Variants in USP54 observed in about 807,000 individuals in gnomAD.
The protein encoded by USP54 is ubiquitin carboxyl-terminal hydrolase 54.
In USP54, 87 loss-of-function variants were observed where a neutral mutation model predicts 170.5. That is an observed-to-expected ratio of 0.51 (90% confidence interval 0.43 to 0.61). The LOEUF is 0.61. Ranked by LOEUF, USP54 falls within the 20% of genes least tolerant of loss-of-function variation. The pLI is 0.00. For synonymous variants in USP54, 655 were observed against 742.8 expected, an observed-to-expected ratio of 0.88 and a Z score of 1.92; for missense variants, 1,786 against 2,047.8, an observed-to-expected ratio of 0.87 and a Z score of 2.47.
chr10:73,542,994 A>C (rs2066954929), intron 6 of USP54, 24 bp downstream of exon 6: 1 of 1,611,526 alleles, frequency 6.2e-7, no homozygotes, highest in African/African-American at 1.3e-5. Flanking sequence ...GAAATGTCTA[A>C]AAAAAGATGG....
chr10:73,520,885 C>T, intron 18 of USP54, 23 bp downstream of exon 18: 2 of 1,613,928 alleles, frequency 1.2e-6, no homozygotes, highest in Non-Finnish European at 1.7e-6. Context: ...AGTGCCACAG[C>T]CATAGCAGTT....
chr10:73,600,187 C>T (rs528239931), intron 1 of USP54, among the ~76,000 whole-genome samples: 61 of 152,266 alleles, frequency 4.0e-4, no homozygotes, highest in Non-Finnish European at 7.9e-4. Flanking sequence ...TTGTGAGCAA[C>T]CGCGCCCGGC....
chr10:73,520,759 G>T, intron 18 of USP54, 149 bp downstream of exon 18: 1 of 1,084,470 alleles, frequency 9.2e-7, no homozygotes, highest in Admixed American at 2.3e-5. Flanking sequence ...AGAAATCAAA[G>T]GGCAAAAACA....
At position 73,570,904 on chromosome 10, in the gene USP54, G is replaced by A. The variant is rs185743365; in HGVS notation, c.240+517C>T. ...TGTAATCCCAGTGCTTTGGGAGGCC[G>A]AGGCAGGCAGATCACCTGAAGTCAG... On this transcript the variant is annotated intron_variant, in intron 4 of 23. Coordinates refer to ENST00000687698, the MANE Select transcript of USP54 (RefSeq NM_001391956.1). 3.4e-3 allele frequency among the ~76,000 whole-genome samples: 518 copies of A among 152,156 alleles called. 4 individuals are homozygous for A. The highest frequency in any genetic ancestry group is 5.2e-3 in the Non-Finnish European group (351 of 67,992).
intron 4 of USP54, among the ~76,000 whole-genome samples, chr10:73,556,511 A>G (rs1419552901): frequency 1.3e-5 from 2 of 151,436 alleles, no homozygotes; most frequent in Admixed American, 1.3e-4. Flanking sequence ...ACGCCCGGCT[A>G]ATTTTTGTAT....
At chr10:73,611,782 C>T (rs557364380) in intron 1 of USP54, among the ~76,000 whole-genome samples, 73 of 148,540 alleles carry the variant, frequency 4.9e-4, no homozygotes, top group Non-Finnish European at 6.8e-4. Context: ...GGCAACAGAG[C>T]GGGACTCCAT....
intron 1 of USP54, among the ~76,000 whole-genome samples, chr10:73,603,761 AC>A (rs1432907392): frequency 1.3e-5 from 2 of 150,958 alleles, no homozygotes; most frequent in African/African-American, 2.4e-5. Flanking sequence ...AACAAAAACA[AC>A]AAAAAAAAAA....
chr10:73,567,773 G>GT, intron 4 of USP54, among the ~76,000 whole-genome samples: 1 of 152,086 alleles, frequency 6.6e-6, no homozygotes, highest in Non-Finnish European at 1.5e-5. Context: ...GAGTTTTTTT[G>GT]TAACAGTCAT....
In USP54 at chr10:73,543,836, C is replaced by A. The variant is rs12774176; in HGVS notation, c.376-705G>T. On this transcript the variant is annotated intron_variant, in intron 5 of 23. Transcript: ENST00000687698. ...GCTCCCTCATGCTAACCATTTAGAG[C>A]CTTACCCGTCCAAACCTAACCCTAA... Among the ~76,000 whole-genome samples, 889 of 152,278 alleles carry A rather than the reference C, an allele frequency of 5.8e-3. 5 individuals are homozygous for A. Among genetic ancestry groups the A allele is most frequent in the Non-Finnish European group, 6.8e-3 (463 of 68,022 alleles).
At chr10:73,566,080 A>G (rs2073717345) in intron 4 of USP54, among the ~76,000 whole-genome samples, 1 of 152,078 alleles carries the variant, frequency 6.6e-6, no homozygotes, top group African/African-American at 2.4e-5. Context: ...AAAATACAAA[A>G]TTAGCCGGGC....
chr10:73,561,519 G>A (rs2073058232), intron 4 of USP54, among the ~76,000 whole-genome samples: 1 of 152,070 alleles, frequency 6.6e-6, no homozygotes, highest in East Asian at 1.9e-4. Context: ...GCTAACTTCT[G>A]AAGCAGAGTT....
chr10:73,622,772 G>A (rs924773295), intron 1 of USP54, among the ~76,000 whole-genome samples: 2 of 151,918 alleles, frequency 1.3e-5, no homozygotes, highest in African/African-American at 2.4e-5. Flanking sequence ...GGGCAACATA[G>A]GGAGATCCTG....
At chr10:73,534,518 C>G (rs1410870476) in intron 12 of USP54, 82 bp downstream of exon 12, 2 of 1,513,624 alleles carry the variant, frequency 1.3e-6, no homozygotes, top group East Asian at 4.6e-5. Flanking sequence ...AGCCACTGCG[C>G]CTGGCCTCAC....
intron 1 of USP54, among the ~76,000 whole-genome samples, chr10:73,624,712 C>CA (rs1156892463): frequency 6.6e-6 from 1 of 152,164 alleles, no homozygotes. Flanking sequence ...AGTTAACCAG[C>CA]AAAGTGGTCC....
At chr10:73,584,321 G>A (rs1427026371) in intron 1 of USP54, among the ~76,000 whole-genome samples, 1 of 152,044 alleles carries the variant, frequency 6.6e-6, no homozygotes, top group Non-Finnish European at 1.5e-5. Context: ...CAGGGAGTCG[G>A]AGGTTGCAGT....
intron 1 of USP54, among the ~76,000 whole-genome samples, chr10:73,613,162 T>G (rs1589409623): frequency 7.3e-6 from 1 of 137,510 alleles, no homozygotes; most frequent in Non-Finnish European, 1.5e-5. Flanking sequence ...GGAGATGGAG[T>G]CTCACTCTGT....
At chr10:73,581,358 A>G (rs1191708480) in intron 1 of USP54, among the ~76,000 whole-genome samples, 1 of 152,228 alleles carries the variant, frequency 6.6e-6, no homozygotes, top group African/African-American at 2.4e-5. Flanking sequence ...CCAATCTGAA[A>G]ACACTAGCCT....
At chr10:73,553,453 C>T (rs2070131921) in intron 4 of USP54, 1 of 152,216 alleles carries the variant, frequency 6.6e-6, no homozygotes, top group Non-Finnish European at 1.5e-5. Context: ...GCACACTAAC[C>T]TCTGTGTGTC....
intron 1 of USP54, among the ~76,000 whole-genome samples, chr10:73,601,829 C>T (rs1450254562): frequency 6.6e-6 from 1 of 152,206 alleles, no homozygotes; most frequent in African/African-American, 2.4e-5. Context: ...CCACTGAACG[C>T]AGGTGGCAGT....
Sources: gnomAD v4.1 joint callset for allele counts (sites outside exome capture counted in the v4.1 genomes callset) on GRCh38, gnomAD v4.1.1 for gene constraint, MANE v1.5 for transcripts, NCBI Gene and HGNC (gene_info 2026-07-23, HGNC 2026-07-21) for gene names.